MTA3: variants seen among roughly 807,000 people sequenced by gnomAD.
MTA3 encodes metastasis associated 1 family member 3.
A neutral mutation model predicts 83.5 loss-of-function variants in MTA3; 34 were observed. The ratio of observed to expected loss-of-function variants is 0.41; its 90% CI spans 0.31 to 0.54. MTA3 has a LOEUF of 0.54. Among genes scored for constraint, MTA3 ranks in the 20% least tolerant of loss-of-function variants. The pLI is 0.33. For synonymous variants in MTA3, 303 were observed against 252.7 expected (o/e 1.20, Z -1.89); for missense variants, 761 against 726.4 (o/e 1.05, Z -0.55).
At chr2:42,687,753 G>A (rs1431850113) in intron 9 of MTA3, among the ~76,000 whole-genome samples, 1 of 152,204 alleles carries the variant, frequency 6.6e-6, no homozygotes, top group African/African-American at 2.4e-5. Context: ...TTGGAGAGCA[G>A]AAATGAAGCA....
rs551549100 is a variant in MTA3 at position 42,717,169 on chromosome 2, C to G, written c.1526-1819C>G. 3.0e-5 allele frequency among the ~76,000 whole-genome samples: 3 copies of G among 98,362 alleles called. No individual in the cohort carries two copies. The East Asian group carries it at 9.6e-4, about 32-fold the overall frequency. 64.5% of individuals were successfully genotyped at this position (98,362 alleles called of 152,430 possible). On this transcript the variant is annotated intron_variant, in intron 14 of 16. Coordinates refer to ENST00000405094, the MANE Select transcript of MTA3 (RefSeq NM_001330442.2). ...TTTTTTTTTGGTGAAAGGGCTAGAA[C>G]TCATAAAAACCTAACTTTTATTTAA...
Position 42,663,548 on chromosome 2 carries a change from G to T in MTA3, c.702+3686G>T, listed in dbSNP as rs115217224. 6.6e-3 allele frequency among the ~76,000 whole-genome samples: 1,005 copies of T among 152,236 alleles called. 8 individuals carry two copies. Among genetic ancestry groups the T allele is most frequent in the African/African-American group, 0.022 (917 of 41,532 alleles). The stretch of plus-strand genomic sequence containing the variant: ...GGCTGAGGCAGGATGATCACTTGAG[G>T]CCAGGAGTCTGAGACAGGCCTAGGC... On this transcript the variant is annotated intron_variant, in intron 8 of 16. Coordinates refer to ENST00000405094, the MANE Select transcript of MTA3 (RefSeq NM_001330442.2).
At chr2:42,552,016 G>T (rs1272096342) in intron 2 of MTA3, among the ~76,000 whole-genome samples, 1 of 152,050 alleles carries the variant, frequency 6.6e-6, no homozygotes, top group Non-Finnish European at 1.5e-5. Flanking sequence ...GTGAGCCACC[G>T]TGCCTGGCCT....
chr2:42,523,154 G>A (rs1487457051), intron 2 of MTA3, among the ~76,000 whole-genome samples: 1 of 152,120 alleles, frequency 6.6e-6, no homozygotes, highest in South Asian at 2.1e-4. Flanking sequence ...GGGGCTTTTA[G>A]TTCAATGTAT....
chr2:42,539,172 G>A (rs1053713492), intron 2 of MTA3, among the ~76,000 whole-genome samples: 8 of 152,166 alleles, frequency 5.3e-5, no homozygotes, highest in African/African-American at 1.7e-4. Flanking sequence ...GTCAGGAGTA[G>A]AATTACGGGG....
chr2:42,589,865 G>A (rs1430465221), intron 3 of MTA3, among the ~76,000 whole-genome samples: 2 of 152,112 alleles, frequency 1.3e-5, no homozygotes, highest in Non-Finnish European at 2.9e-5. Flanking sequence ...TGTCACCAAT[G>A]GTCCCTTTGT....
intron 16 of MTA3, among the ~76,000 whole-genome samples, chr2:42,750,405 G>GT (rs35757153): frequency 0.68 from 102,029 of 149,420 alleles, 35,175 homozygotes; most frequent in East Asian, 0.8. Context: ...GAGGGTCTTT[G>GT]TTTTTTTTTT....
At chr2:42,557,676 G>T (rs1462416833) in intron 2 of MTA3, among the ~76,000 whole-genome samples, 3 of 152,120 alleles carry the variant, frequency 2.0e-5, no homozygotes, top group Non-Finnish European at 4.4e-5. Flanking sequence ...CATAAACAAT[G>T]ATTTATTTAT....
chr2:42,543,505 G>A (rs1182530176), intron 2 of MTA3, among the ~76,000 whole-genome samples: 1 of 151,928 alleles, frequency 6.6e-6, no homozygotes, highest in Non-Finnish European at 1.5e-5. Context: ...GTTTGTTTGA[G>A]ACGGGGTCTC....
intron 3 of MTA3, among the ~76,000 whole-genome samples, chr2:42,596,276 G>A (rs1030579455): frequency 3.9e-5 from 6 of 152,198 alleles, no homozygotes; most frequent in Non-Finnish European, 7.3e-5. Context: ...GCCCAACCAA[G>A]ATACTGAGTC....
intron 2 of MTA3, among the ~76,000 whole-genome samples, chr2:42,578,139 T>G (rs770928843): frequency 1.3e-5 from 2 of 152,142 alleles, no homozygotes; most frequent in Non-Finnish European, 2.9e-5. Flanking sequence ...TTCTTTGTAT[T>G]TGAGTATATC....
At chr2:42,569,607 GCA>G (rs1678242194) in intron 1 of MTA3, 1 of 152,170 alleles carries the variant, frequency 6.6e-6, no homozygotes, top group Admixed American at 6.6e-5. Flanking sequence ...AGGCCACTTT[GCA>G]GAAGAGAGCG....
upstream of MTA3, chr2:42,568,330 C>G (rs1392535076): frequency 4.2e-5 from 7 of 168,050 alleles, no homozygotes; most frequent in African/African-American, 1.4e-4. Flanking sequence ...CTCTAATTCT[C>G]TAACAGCCCC....
At chr2:42,611,692 T>C (rs4953499) in intron 4 of MTA3, among the ~76,000 whole-genome samples, 113,938 of 151,994 alleles carry the variant, frequency 0.75, 43,008 homozygotes, top group South Asian at 0.88. Flanking sequence ...GGTGTGTGCC[T>C]GTGGTCCCAG....
intron 2 of MTA3, among the ~76,000 whole-genome samples, chr2:42,510,683 G>A (rs1449510701): frequency 6.6e-6 from 1 of 152,170 alleles, no homozygotes; most frequent in African/African-American, 2.4e-5. Flanking sequence ...CTGTTGCCCT[G>A]GGGGTAGATT....
intron 2 of MTA3, among the ~76,000 whole-genome samples, chr2:42,505,651 C>A (rs557223579): frequency 2.0e-5 from 3 of 151,862 alleles, no homozygotes; most frequent in Non-Finnish European, 4.4e-5. Context: ...AAGCCACTTT[C>A]ATATCATGAA....
intron 6 of MTA3, among the ~76,000 whole-genome samples, chr2:42,647,390 A>T (rs1688315853): frequency 6.6e-6 from 1 of 150,942 alleles, no homozygotes; most frequent in Non-Finnish European, 1.5e-5. Flanking sequence ...TGCCCAGCTA[A>T]TTTTTTTTGT....
intron 3 of MTA3, among the ~76,000 whole-genome samples, chr2:42,604,782 ACT>A (rs937302506): frequency 1.4e-5 from 2 of 145,366 alleles, no homozygotes; most frequent in African/African-American, 2.6e-5. Context: ...ATTGGTGATG[ACT>A]CTTAACGAGC....
chr2:42,677,783 A>G (rs189699537), intron 8 of MTA3, among the ~76,000 whole-genome samples: 1 of 152,308 alleles, frequency 6.6e-6, no homozygotes, highest in Admixed American at 6.5e-5. Context: ...TGTAAGTCCA[A>G]TAAACTTCTT....
Sources: gnomAD v4.1 joint callset for allele counts (sites outside exome capture counted in the v4.1 genomes callset) on GRCh38, gnomAD v4.1.1 for gene constraint, MANE v1.5 for transcripts, NCBI Gene and HGNC (gene_info 2026-07-23, HGNC 2026-07-21) for gene names.